SIRT5: variants seen among roughly 807,000 people sequenced by gnomAD.
SIRT5 encodes NAD-dependent protein deacylase sirtuin-5, mitochondrial.
A neutral mutation model predicts 40.0 loss-of-function variants in SIRT5; 26 were observed. That is an observed-to-expected ratio of 0.65 (90% CI 0.48 to 0.90). SIRT5 has a LOEUF of 0.90. SIRT5 is among the 40% of genes least tolerant of loss of function. SIRT5 has a pLI of 0.00. For missense variants in SIRT5, 401 were observed against 402.4 expected, an observed-to-expected ratio of 1.00 and a Z score of 0.03; for synonymous variants, 146 against 149.1, an observed-to-expected ratio of 0.98 and a Z score of 0.15.
chr6:13,578,326 G>A (rs1033542906), intron 1 of SIRT5, among the ~76,000 whole-genome samples: 2 of 152,144 alleles, frequency 1.3e-5, no homozygotes, highest in Non-Finnish European at 2.9e-5. Context: ...AATGAGTTTA[G>A]AAGTATTTCC....
At chr6:13,588,248 C>A in intron 3 of SIRT5, 83 bp from the exon 4 acceptor site, 2 of 1,497,296 alleles carry the variant, frequency 1.3e-6, no homozygotes, top group South Asian at 2.6e-5. Flanking sequence ...CACACTAGGT[C>A]AAGTTTCAAG....
chr6:13,575,243 G>C (rs1758452885), intron 1 of SIRT5, among the ~76,000 whole-genome samples: 1 of 152,160 alleles, frequency 6.6e-6, no homozygotes, highest in South Asian at 2.1e-4. Flanking sequence ...GAGATCCAGA[G>C]GGGCAGGGCT....
Position 13,615,049 on chromosome 6 carries a change from C to T in SIRT5, c.*3184C>T. The T allele has an allele frequency of 2.7e-6, 1 of 365,640 alleles. No homozygotes were observed. Among genetic ancestry groups the T allele is most frequent in the Non-Finnish European group, 5.0e-6 (1 of 201,644 alleles). 22.6% of individuals were successfully genotyped at this position (365,640 alleles called of 1,614,324 possible). On this transcript the variant is annotated 3_prime_UTR_variant, in exon 10 of 10. Transcript: ENST00000606117. Reference sequence around the variant, plus strand: ...CACCGGACAGCGTGAGCCGTGCCAGCCCTGTCTCGCCATCCCAGCCGAGGA... The same window carrying T: ...CACCGGACAGCGTGAGCCGTGCCAGTCCTGTCTCGCCATCCCAGCCGAGGA...
chr6:13,577,544 G>C (rs959107086), intron 1 of SIRT5, among the ~76,000 whole-genome samples: 3 of 151,130 alleles, frequency 2.0e-5, no homozygotes, highest in African/African-American at 7.3e-5. Flanking sequence ...TTTTGGTTGA[G>C]TCTTTAGTGT....
At position 13,591,875 on chromosome 6, in the gene SIRT5, G is replaced by C; in HGVS notation, c.456G>C (p.Lys152Asn). 1 of 1,613,334 alleles carries C rather than the reference G, an allele frequency of 6.2e-7. No homozygotes were observed. The highest frequency in any genetic ancestry group is 8.5e-7 in the Non-Finnish European group (1 of 1,179,332). The change falls in exon 5 of 10, where the codon AAG (lysine) becomes AAC (asparagine). Residue 152 changes from lysine to asparagine, a missense_variant. Coordinates refer to ENST00000606117, the MANE Select transcript of SIRT5 (RefSeq NM_012241.5). ...AGCTGCACCGCAAGGCTGGCACCAA[G>C]AACCTTCTGGAGATCCATGGTGAGA... ...IDELHRKAGT[K>N]NLLEIHGSLF...
rs199971151 is a variant in SIRT5 at position 13,611,776 on chromosome 6, T to C, written c.858-14T>C. ...TGTAGTTCAAAACTGCTGTATTTGCTTCTTCTCTTTCAGGTTTCATTTCCA... is the reference window on the plus strand; with the variant it reads ...TGTAGTTCAAAACTGCTGTATTTGCCTCTTCTCTTTCAGGTTTCATTTCCA... On this transcript the variant is annotated splice_polypyrimidine_tract_variant and intron_variant, in intron 9 of 9. Transcript: ENST00000606117. 2.5e-6 allele frequency: 4 copies of C among 1,598,970 alleles called. No individual in the cohort carries two copies. The highest frequency in any genetic ancestry group is 1.7e-4 in the Middle Eastern group (1 of 6,034).
rs1764199859 is a variant in SIRT5, at chr6:13,614,663, TC to T, written c.*2800del. On this transcript the variant is annotated 3_prime_UTR_variant, in exon 10 of 10. Transcript: ENST00000606117. Reference sequence around the variant, plus strand: ...GCATTTGCCACGGGCCAGCTGCTGTTCCAGGTCGTGGGTTAGGGCCCGGCAC... The same window carrying T: ...GCATTTGCCACGGGCCAGCTGCTGTTCAGGTCGTGGGTTAGGGCCCGGCAC... 1 of 152,306 alleles carries T rather than the reference TC, an allele frequency of 6.6e-6. No individual in the cohort carries two copies. The highest frequency in any genetic ancestry group is 2.4e-5 in the African/African-American group (1 of 41,468). The allele number at this position is 152,306 out of a possible 1,614,324, so 9.4% of individuals were successfully genotyped here. A position where few individuals can be genotyped will look rare whatever the true frequency, so the allele number is the denominator to read the frequency against.
intron 7 of SIRT5, among the ~76,000 whole-genome samples, chr6:13,598,702 G>A (rs1412117824): frequency 6.6e-6 from 1 of 151,862 alleles, no homozygotes; most frequent in African/African-American, 2.4e-5. Context: ...GGTCACACAT[G>A]ACTGTAGTCC....
intron 2 of SIRT5, among the ~76,000 whole-genome samples, chr6:13,582,754 G>A (rs1238221599): frequency 6.6e-6 from 1 of 151,846 alleles, no homozygotes; most frequent in Non-Finnish European, 1.5e-5. Context: ...CTCTGTGTTT[G>A]TTTTCTTTTT....
intron 9 of SIRT5, among the ~76,000 whole-genome samples, chr6:13,603,406 G>A (rs552026147): frequency 6.6e-6 from 1 of 151,012 alleles, no homozygotes; most frequent in Non-Finnish European, 1.5e-5. Flanking sequence ...ATAATAAAAA[G>A]ACAATCCAAT....
At chr6:13,595,385 T>C in intron 5 of SIRT5, 92 bp from the exon 6 acceptor site, 2 of 1,006,666 alleles carry the variant, frequency 2.0e-6, no homozygotes, top group Non-Finnish European at 1.6e-6. Context: ...AAATGAAGTG[T>C]GAAAAATAAA....
chr6:13,592,936 A>G (rs764127733), intron 5 of SIRT5, among the ~76,000 whole-genome samples: 20 of 118,742 alleles, frequency 1.7e-4, no homozygotes, highest in Admixed American at 2.7e-4. Flanking sequence ...TTTTTTAGCA[A>G]TGGGGGTTTC....
chr6:13,604,780 C>A, intron 9 of SIRT5: 1 of 1,164,994 alleles, frequency 8.6e-7, no homozygotes, highest in Non-Finnish European at 1.1e-6. Context: ...CTCCTAAAAC[C>A]ACAGACCTGT....
chr6:13,603,802 A>G (rs1166374102), intron 9 of SIRT5, among the ~76,000 whole-genome samples: 4 of 152,264 alleles, frequency 2.6e-5, no homozygotes, highest in African/African-American at 7.2e-5. Context: ...CCAAACGTCC[A>G]TCGACTGAAG....
rs1733025392 is a variant in SIRT5, at chr6:13,584,108, C to A, written c.-3C>A. The A allele has an allele frequency of 6.2e-7, 1 of 1,612,758 alleles. No homozygotes were observed. On this transcript the variant is annotated 5_prime_UTR_variant, in exon 3 of 10. The change creates a new upstream start codon in the 5' untranslated region. Coordinates refer to ENST00000606117, the MANE Select transcript of SIRT5 (RefSeq NM_012241.5). ...CAAGCATTAGAACTACAGACAAACC[C>A]TGATGCGACCTCTCCAGATTGTCCC...
intron 3 of SIRT5, 30 bp from the exon 4 acceptor site, chr6:13,588,301 C>G (rs1275839263): frequency 1.2e-6 from 2 of 1,607,660 alleles, no homozygotes; most frequent in Non-Finnish European, 1.7e-6. Context: ...AAACTGTACA[C>G]TGGATTGATA....
chr6:13,606,321 T>C (rs1306040115), intron 9 of SIRT5, among the ~76,000 whole-genome samples: 1 of 151,556 alleles, frequency 6.6e-6, no homozygotes, highest in Non-Finnish European at 1.5e-5. Flanking sequence ...AGTAATGGAG[T>C]TGGGGGCTCT....
intron 2 of SIRT5, among the ~76,000 whole-genome samples, chr6:13,582,298 G>A (rs1759448962): frequency 1.3e-5 from 2 of 152,052 alleles, no homozygotes; most frequent in Admixed American, 6.5e-5. Flanking sequence ...GCAAATGCAA[G>A]AAAGTTAAGG....
intron 1 of SIRT5, among the ~76,000 whole-genome samples, chr6:13,576,355 G>A (rs1314781882): frequency 1.3e-5 from 2 of 152,160 alleles, no homozygotes; most frequent in Admixed American, 1.3e-4. Context: ...TCTAACAAGC[G>A]TGAGGTGGTA....
Sources: allele counts gnomAD v4.1 joint callset (sites outside exome capture counted in the v4.1 genomes callset), GRCh38; gene constraint gnomAD v4.1.1; transcripts MANE v1.5; gene names NCBI Gene and HGNC (gene_info 2026-07-23, HGNC 2026-07-21).